Variants in GSN observed in about 807,000 individuals in gnomAD.
GSN encodes gelsolin.
A neutral mutation model predicts 85.7 loss-of-function variants in GSN; 56 were observed. The ratio of observed to expected loss-of-function variants is 0.65; its 90% CI spans 0.53 to 0.82. The LOEUF (loss-of-function observed/expected upper bound fraction) is 0.82, where lower values mean the gene tolerates loss of function less well. Ranked by LOEUF, GSN falls within the 40% of genes least tolerant of loss-of-function variation. GSN has a pLI of 0.00. For synonymous variants in GSN, 373 were observed against 399.1 expected (o/e 0.93, Z 0.78); for missense variants, 857 against 979.8 (o/e 0.87, Z 1.67).
chr9:121,255,377 A>T (rs1286104038), intron 6 of GSN, among the ~76,000 whole-genome samples: 1 of 152,196 alleles, frequency 6.6e-6, no homozygotes, highest in African/African-American at 2.4e-5. Flanking sequence ...ATCTGGGAGT[A>T]GGCGTGCGCC....
intron 2 of GSN, chr9:121,285,971 GT>G (rs2058020315): frequency 4.8e-6 from 1 of 208,722 alleles, no homozygotes. Context: ...GAAGTGTTGG[GT>G]TTTAATTGTG....
At chr9:121,233,623 C>T (rs947731341) in intron 5 of GSN, among the ~76,000 whole-genome samples, 3 of 152,110 alleles carry the variant, frequency 2.0e-5, no homozygotes, top group Non-Finnish European at 2.9e-5. Flanking sequence ...GCTGCAACCT[C>T]GTAAGAGACT....
At chr9:121,296,899 T>A (rs4837834) in intron 2 of GSN, among the ~76,000 whole-genome samples, 1 of 152,088 alleles carries the variant, frequency 6.6e-6, no homozygotes, top group Non-Finnish European at 1.5e-5. Flanking sequence ...CAGAGCTATA[T>A]GGCAGGCAAA....
intron 1 of GSN, among the ~76,000 whole-genome samples, chr9:121,269,035 A>G (rs1349108216): frequency 6.6e-6 from 1 of 152,228 alleles, no homozygotes; most frequent in African/African-American, 2.4e-5. Flanking sequence ...TTGTCTGCCC[A>G]GACATCTGTC....
chr9:121,281,248 T>G, intron 1 of GSN: 2 of 228,526 alleles, frequency 8.8e-6, no homozygotes, highest in South Asian at 5.8e-5. Flanking sequence ...AAGAGAGAGA[T>G]TTTAGTGCAT....
At chr9:121,271,798 C>T (rs2056013902) in intron 1 of GSN, among the ~76,000 whole-genome samples, 1 of 152,292 alleles carries the variant, frequency 6.6e-6, no homozygotes, top group African/African-American at 2.4e-5. Context: ...GTCAATCTCC[C>T]CTCCATTTCA....
chr9:121,234,833 T>C (rs1399858532), intron 5 of GSN, among the ~76,000 whole-genome samples: 4 of 152,192 alleles, frequency 2.6e-5, no homozygotes, highest in Non-Finnish European at 4.4e-5. Flanking sequence ...TGAGCAACAG[T>C]GTGAGACCCC....
intron 2 of GSN, among the ~76,000 whole-genome samples, chr9:121,210,085 T>C (rs150004162): frequency 2.0e-3 from 302 of 152,272 alleles, no homozygotes; most frequent in African/African-American, 6.8e-3. Context: ...TTTATAGATA[T>C]ATTAGTTAGG....
At chr9:121,241,921 G>A (rs1344462744) in intron 5 of GSN, among the ~76,000 whole-genome samples, 3 of 152,214 alleles carry the variant, frequency 2.0e-5, no homozygotes, top group African/African-American at 4.8e-5. Flanking sequence ...CATCTGTAGA[G>A]TGAAAGGTTT....
intron 1 of GSN, chr9:121,209,224 C>T (rs758671871): frequency 6.6e-6 from 1 of 152,272 alleles, no homozygotes; most frequent in South Asian, 2.1e-4. Flanking sequence ...GAGCAGCTCC[C>T]TCCCTATCAG....
chr9:121,324,750 T>C lies in GSN; in HGVS notation c.1416+106T>C, dbSNP rs540982095. 358 of 678,838 alleles carry C rather than the reference T, an allele frequency of 5.3e-4. 1 individual carries two copies. The highest frequency in any genetic ancestry group is 4.3e-3 in the African/African-American group (234 of 54,436). 42.1% of individuals were successfully genotyped at this position (678,838 alleles called of 1,614,324 possible). On this transcript the variant is annotated intron_variant, in intron 12 of 17. Transcript: ENST00000432226. The stretch of plus-strand genomic sequence containing the variant: ...CCATTCGTTTGTCCATCTGTCTGTC[T>C]GTCCATCCATCCATCCATCCATCCA...
chr9:121,324,932 A>G (rs1229170329), intron 12 of GSN, among the ~76,000 whole-genome samples: 9 of 152,198 alleles, frequency 5.9e-5, no homozygotes, highest in African/African-American at 2.2e-4. Context: ...AGGCACACCA[A>G]TGGCTATGAC....
At chr9:121,262,360 T>C (rs919964742) in intron 6 of GSN, among the ~76,000 whole-genome samples, 1 of 152,238 alleles carries the variant, frequency 6.6e-6, no homozygotes, top group Non-Finnish European at 1.5e-5. Flanking sequence ...CTATTTATTT[T>C]ATTTGTAAAA....
At chr9:121,278,414 G>A (rs2056926450) in intron 1 of GSN, among the ~76,000 whole-genome samples, 2 of 152,196 alleles carry the variant, frequency 1.3e-5, no homozygotes, top group Non-Finnish European at 1.5e-5. Flanking sequence ...TGAACTGGGA[G>A]CAGTCTTTTA....
intron 6 of GSN, chr9:121,313,293 A>T (rs2061374112): frequency 6.2e-6 from 1 of 160,790 alleles, no homozygotes. Flanking sequence ...ATTCACTAGG[A>T]AAAGGAGAAG....
chr9:121,327,763 C>T (rs181610878), intron 14 of GSN, among the ~76,000 whole-genome samples: 68 of 152,214 alleles, frequency 4.5e-4, no homozygotes, highest in Non-Finnish European at 7.4e-4. Flanking sequence ...CACCTGAGGT[C>T]GGGAGTTCAA....
At chr9:121,214,671 C>G (rs190449355) in intron 4 of GSN, among the ~76,000 whole-genome samples, 141 of 152,280 alleles carry the variant, frequency 9.3e-4, no homozygotes, top group Non-Finnish European at 1.9e-3. Flanking sequence ...CTGAGTTATC[C>G]TATGTCATAT....
chr9:121,239,154 A>C, intron 5 of GSN: 1 of 339,714 alleles, frequency 2.9e-6, no homozygotes, highest in South Asian at 2.4e-5. Flanking sequence ...AGTCTGTATA[A>C]GTGTAACCTG....
rs766813999 is a variant in GSN at position 121,317,149 on chromosome 9, G to C, written c.817G>C (p.Gly273Arg). The change falls in exon 8 of 18, where the codon GGG becomes CGG. Residue 273 changes from glycine to arginine, a missense_variant. Transcript: ENST00000432226. ...GGCTGATGAGAACCCCTTCGCCCAG[G>C]GGGCCCTGAAGTCAGAGGACTGCTT... Reference protein sequence around the residue: ...LVADENPFAQGALKSEDCFIL... With the variant: ...LVADENPFAQRALKSEDCFIL... The C allele has an allele frequency of 5.6e-6, 9 of 1,614,194 alleles. No individual in the cohort carries two copies. The highest frequency in any genetic ancestry group is 6.8e-6 in the Non-Finnish European group (8 of 1,180,016).
Sources: gnomAD v4.1 joint callset for allele counts (sites outside exome capture counted in the v4.1 genomes callset) on GRCh38, gnomAD v4.1.1 for gene constraint, MANE v1.5 for transcripts, NCBI Gene and HGNC (gene_info 2026-07-23, HGNC 2026-07-21) for gene names.